ANK2: variants seen among roughly 807,000 people sequenced by gnomAD.
ANK2 encodes ankyrin-2.
ANK2 carries 83 observed loss-of-function variants against 360.5 expected under a neutral mutation model. The ratio of observed to expected loss-of-function variants is 0.23; its 90% CI spans 0.19 to 0.28. The LOEUF is 0.28. Among genes scored for constraint, ANK2 ranks in the 10% least tolerant of loss-of-function variants. The pLI is 1.00. For synonymous variants in ANK2, 1,740 were observed against 1,759.5 expected (o/e 0.99, Z 0.28); for missense variants, 4,201 against 4,795.7 (o/e 0.88, Z 3.66).
the ANK2 span, among the ~76,000 whole-genome samples, chr4:112,738,032 A>G: frequency 3.3e-5 from 5 of 152,238 alleles, no homozygotes; most frequent in Non-Finnish European, 5.9e-5. Flanking sequence ...GTATAAGAGA[A>G]TACTCATTTA....
chr4:112,807,668 G>A, the ANK2 span, among the ~76,000 whole-genome samples: 2 of 152,196 alleles, frequency 1.3e-5, no homozygotes, highest in Non-Finnish European at 2.9e-5. Flanking sequence ...TTGGGTTTAC[G>A]AAGAGCGAAT....
the ANK2 span, chr4:112,798,003 A>G: frequency 1.2e-5 from 2 of 164,406 alleles, no homozygotes; most frequent in African/African-American, 4.8e-5. Context: ...GGTCACATCC[A>G]TCACTGCTAT....
chr4:112,869,376 C>A (rs1256243131), intron 1 of ANK2, among the ~76,000 whole-genome samples: 2 of 152,156 alleles, frequency 1.3e-5, no homozygotes, highest in African/African-American at 4.8e-5. Flanking sequence ...CACCTGGGCT[C>A]AAGTGATCCT....
chr4:112,796,870 A>G, the ANK2 span, among the ~76,000 whole-genome samples: 1 of 151,966 alleles, frequency 6.6e-6, no homozygotes, highest in Admixed American at 6.6e-5. Context: ...TATATATCCA[A>G]CTCTTTAAGT....
At chr4:113,127,241 A>G (rs1430121086) in intron 1 of ANK2, among the ~76,000 whole-genome samples, 2 of 152,120 alleles carry the variant, frequency 1.3e-5, no homozygotes, top group Non-Finnish European at 2.9e-5. Flanking sequence ...TATATAATAT[A>G]TATAATTCAG....
In ANK2 at chr4:113,128,106, T is replaced by G. The variant is rs368383936; in HGVS notation, c.85-46310T>G. Among the ~76,000 whole-genome samples, 3 of 152,190 alleles carry G rather than the reference T, an allele frequency of 2.0e-5. No homozygotes were observed. In the South Asian group the frequency reaches 6.2e-4, roughly 31 times the overall value. ...GCAGGATGATGTTTATTTTCATTAA[T>G]TGCAGAGACTTTATATGTAAAAAGC... On this transcript the variant is annotated intron_variant, in intron 1 of 45. Coordinates refer to ENST00000357077, the MANE Select transcript of ANK2 (RefSeq NM_001148.6).
chr4:112,707,411 G>A, the ANK2 span, among the ~76,000 whole-genome samples: 2 of 152,142 alleles, frequency 1.3e-5, no homozygotes, highest in Non-Finnish European at 2.9e-5. Flanking sequence ...GGCAATCTGC[G>A]TCCCAGAGAA....
intron 2 of ANK2, among the ~76,000 whole-genome samples, chr4:112,997,813 CAT>C (rs893733026): frequency 1.7e-4 from 26 of 151,282 alleles, no homozygotes; most frequent in Admixed American, 2.0e-4. Context: ...CACACACACA[CAT>C]ATATGCACAT....
At chr4:113,175,756 C>T (rs2098171203) in intron 2 of ANK2, among the ~76,000 whole-genome samples, 1 of 152,186 alleles carries the variant, frequency 6.6e-6, no homozygotes, top group Non-Finnish European at 1.5e-5. Flanking sequence ...TCAAAATCAC[C>T]TGCAGGCTTT....
At chr4:113,233,489 T>C (rs1232816073) in intron 5 of ANK2, among the ~76,000 whole-genome samples, 2 of 152,120 alleles carry the variant, frequency 1.3e-5, no homozygotes, top group Non-Finnish European at 2.9e-5. Context: ...ACTCCTGGCC[T>C]GAAGTGAAAG....
upstream of ANK2, chr4:113,049,648 C>T: frequency 6.6e-7 from 1 of 1,522,636 alleles, no homozygotes; most frequent in Non-Finnish European, 8.9e-7. Context: ...CTGCTTTCCT[C>T]CAGTAAGTGC....
At chr4:113,043,064 A>G (rs993129592) in intron 2 of ANK2, among the ~76,000 whole-genome samples, 6 of 152,180 alleles carry the variant, frequency 3.9e-5, no homozygotes, top group African/African-American at 1.4e-4. Context: ...TATAGTAGTC[A>G]GTGACCCCCC....
chr4:112,726,818 C>CTCCA, the ANK2 span, among the ~76,000 whole-genome samples: 1 of 143,524 alleles, frequency 7.0e-6, no homozygotes, highest in African/African-American at 2.6e-5. Flanking sequence ...CGCCACTGCA[C>CTCCA]TCCAGCCTGG....
At chr4:112,710,470 C>A in the ANK2 span, among the ~76,000 whole-genome samples, 4 of 151,984 alleles carry the variant, frequency 2.6e-5, no homozygotes, top group Non-Finnish European at 5.9e-5. Context: ...CTGAAGCGAG[C>A]GGATTGCCCG....
intron 4 of ANK2, among the ~76,000 whole-genome samples, chr4:113,210,001 G>A (rs2099002531): frequency 6.6e-6 from 1 of 152,142 alleles, no homozygotes; most frequent in South Asian, 2.1e-4. Flanking sequence ...GGGGGTCTGG[G>A]TTTCTGAGAC....
intron 1 of ANK2, among the ~76,000 whole-genome samples, chr4:113,076,001 G>C (rs1416312070): frequency 6.6e-6 from 1 of 152,130 alleles, no homozygotes; most frequent in African/African-American, 2.4e-5. Flanking sequence ...TTGGGGGTAA[G>C]GTCCAGGACT....
the ANK2 span, among the ~76,000 whole-genome samples, chr4:112,796,879 G>A: frequency 4.6e-5 from 7 of 152,206 alleles, no homozygotes; most frequent in Admixed American, 2.6e-4. Flanking sequence ...AACTCTTTAA[G>A]TAGAAGAAGT....
chr4:113,258,272 C>T lies in ANK2; in HGVS notation c.1288-41C>T, dbSNP rs759913898. ...TATCTGAAGAAGCCCCAAAGCCCCACCGGTGCAGAGGAGTAAAACTGCTGT... is the reference window on the plus strand; with the variant it reads ...TATCTGAAGAAGCCCCAAAGCCCCATCGGTGCAGAGGAGTAAAACTGCTGT... On this transcript the variant is annotated intron_variant, in intron 12 of 45. Transcript: ENST00000357077. The T allele has an allele frequency of 2.5e-6, 4 of 1,601,854 alleles. No homozygotes were observed. In the East Asian group the frequency reaches 8.9e-5, roughly 36 times the overall value.
chr4:113,256,872 A>G (rs1272983234), intron 11 of ANK2, among the ~76,000 whole-genome samples: 1 of 152,230 alleles, frequency 6.6e-6, no homozygotes, highest in Non-Finnish European at 1.5e-5. Flanking sequence ...ATTATGTGAA[A>G]ACATTCATTT....
Sources: allele counts gnomAD v4.1 joint callset (sites outside exome capture counted in the v4.1 genomes callset), GRCh38; gene constraint gnomAD v4.1.1; transcripts MANE v1.5; gene names NCBI Gene and HGNC (gene_info 2026-07-23, HGNC 2026-07-21).